Variants in SYN1 observed in about 807,000 individuals in gnomAD.
SYN1 encodes the protein synapsin-1.
SYN1 carries 8 observed loss-of-function variants against 44.6 expected under a neutral mutation model. That is an observed-to-expected ratio of 0.18 (90% CI 0.11 to 0.32). The LOEUF is 0.32. Among genes scored for constraint, SYN1 ranks in the 10% least tolerant of loss-of-function variants. The pLI is 1.00. For synonymous variants in SYN1, 275 were observed against 280.1 expected (o/e 0.98, Z 0.18); for missense variants, 451 against 639.4 (o/e 0.71, Z 3.18).
Position 47,574,340 on chromosome X carries a change from C to A in SYN1, c.1644G>T (p.Pro548=). ...GGPGAPPAAR[P]PASPSPQRQA... is the part of the protein sequence containing the mutation. ...GGCGCTGGGGAGACGGAGAGGCGGG[C>A]GGGCGGGCTGCTGGAGGCGCCCCGG... The change falls in exon 12 of 13, where the codon CCG becomes CCT. Residue 548 remains proline, a synonymous_variant. Coordinates refer to ENST00000295987, the MANE Select transcript of SYN1 (RefSeq NM_006950.3). 1 of 1,045,152 alleles carries A rather than the reference C, an allele frequency of 9.6e-7. No homozygotes were observed. Among genetic ancestry groups the A allele is most frequent in the Non-Finnish European group, 1.2e-6 (1 of 820,120 alleles). The allele number at this position is 1,045,152 out of a possible 1,213,427, so 86.1% of individuals were successfully genotyped here. A position where few individuals can be genotyped will look rare whatever the true frequency, so the allele number is the denominator to read the frequency against.
intron 5 of SYN1, chrX:47,585,063 C>T (rs2147918587): frequency 1.7e-6 from 2 of 1,192,381 alleles, no homozygotes; most frequent in East Asian, 3.0e-5. Flanking sequence ...ACATCTTCCT[C>T]CTGGTCAAAA....
At chrX:47,611,117 T>C (rs2057915440) in intron 1 of SYN1, among the ~76,000 whole-genome samples, 1 of 111,598 alleles carries the variant, frequency 9.0e-6, no homozygotes, top group African/African-American at 3.3e-5. Context: ...AACCCCTACA[T>C]GGGCTCCTCA....
At chrX:47,616,385 A>C (rs2057931502) in intron 1 of SYN1, among the ~76,000 whole-genome samples, 1 of 111,969 alleles carries the variant, frequency 8.9e-6, no homozygotes, top group African/African-American at 3.2e-5. Flanking sequence ...GAAAAAATGG[A>C]AAACATTGAA....
chrX:47,582,084 G>A (rs1028471626), intron 5 of SYN1, among the ~76,000 whole-genome samples: 1 of 112,765 alleles, frequency 8.9e-6, no homozygotes, highest in South Asian at 3.6e-4. Flanking sequence ...TTGGGTTTGA[G>A]TCATAGGGAG....
At chrX:47,584,287 A>T (rs1034245884) in intron 5 of SYN1, among the ~76,000 whole-genome samples, 1 of 111,249 alleles carries the variant, frequency 9.0e-6, no homozygotes, top group African/African-American at 3.3e-5. Context: ...ATTGAGGATG[A>T]TCAGGTATTG....
chrX:47,594,250 G>A, intron 5 of SYN1, among the ~76,000 whole-genome samples: 1 of 103,675 alleles, frequency 9.6e-6, no homozygotes. Context: ...AAAAAAAAAA[G>A]GCTGGGTGCA....
At chrX:47,581,103 C>T (rs529228828) in intron 5 of SYN1, among the ~76,000 whole-genome samples, 1 of 111,323 alleles carries the variant, frequency 9.0e-6, no homozygotes, top group African/African-American at 3.3e-5. Flanking sequence ...GTGCTGGATA[C>T]GCAGTAAGCA....
At chrX:47,599,314 A>G (rs1216186412) in intron 5 of SYN1, among the ~76,000 whole-genome samples, 1 of 112,453 alleles carries the variant, frequency 8.9e-6, no homozygotes, top group Admixed American at 9.4e-5. Context: ...ACTAGATTTT[A>G]TATAAACATG....
chrX:47,617,393 A>G (rs1313262202), intron 1 of SYN1, among the ~76,000 whole-genome samples: 1 of 111,800 alleles, frequency 8.9e-6, no homozygotes, highest in East Asian at 2.8e-4. Context: ...ACTATTAAGT[A>G]AATAGTAAAT....
intron 1 of SYN1, among the ~76,000 whole-genome samples, chrX:47,617,203 G>A: frequency 9.0e-6 from 1 of 111,104 alleles, no homozygotes; most frequent in Non-Finnish European, 1.9e-5. Flanking sequence ...CTCGGTAAAG[G>A]CTCCTGGGGG....
At chrX:47,589,795 G>A (rs1283560573) in intron 5 of SYN1, among the ~76,000 whole-genome samples, 2 of 111,271 alleles carry the variant, frequency 1.8e-5, no homozygotes, top group Non-Finnish European at 3.8e-5. Flanking sequence ...GGTTGTATAT[G>A]TGAAGTACTT....
At chrX:47,575,574 G>T (rs1337180686) in intron 9 of SYN1, among the ~76,000 whole-genome samples, 1 of 112,428 alleles carries the variant, frequency 8.9e-6, no homozygotes, top group Non-Finnish European at 1.9e-5. Flanking sequence ...AAAATCGAAA[G>T]ATTTTATAAC....
Position 47,619,641 on chromosome X carries a change from G to C in SYN1, c.88C>G (p.Pro30Ala), listed in dbSNP as rs2147933540. Residue 30 changes from proline to alanine, a missense_variant, in exon 1 of 13, where the codon CCG (proline) becomes GCG (alanine). Pro to Ala is a conservative substitution (Grantham distance 27, BLOSUM62 -1). Around this residue, in one of 3 missense-constraint regions of SYN1, gnomAD observed 315 missense variants for 451.4 expected, o/e 0.70. Transcript: ENST00000295987. Reference protein sequence around the residue: ...GYMTDLQRPQPPPPPPGAHSP... With the variant: ...GYMTDLQRPQAPPPPPGAHSP... ...TGGGCACCGGGCGGCGGTGGGGGCG[G>C]CTGCGGACGCTGCAGGTCTGTCATG... The C allele has an allele frequency of 2.4e-5, 28 of 1,160,390 alleles. No homozygotes were observed. The highest frequency in any genetic ancestry group is 3.1e-5 in the Non-Finnish European group (27 of 869,143).
In SYN1 at chrX:47,579,608, A is replaced by G. The variant is rs749046483; in HGVS notation, c.775-2107T>C. 3.6e-5 allele frequency among the ~76,000 whole-genome samples: 4 copies of G among 109,844 alleles called. No homozygotes were observed. The East Asian group carries it at 8.6e-4, about 24-fold the overall frequency. ...ACTCTCCATTTCAAAACTGCACAAT[A>G]ACCGGATCCACACGACTCCTCATGT... On this transcript the variant is annotated intron_variant, in intron 5 of 12. Transcript: ENST00000295987.
At chrX:47,605,599 C>T (rs1371693641) in intron 3 of SYN1, among the ~76,000 whole-genome samples, 1 of 111,803 alleles carries the variant, frequency 8.9e-6, no homozygotes, top group Non-Finnish European at 1.9e-5. Flanking sequence ...GTTCCCTTCT[C>T]AGCAAGGTCA....
intron 5 of SYN1, among the ~76,000 whole-genome samples, chrX:47,601,234 G>A (rs981083294): frequency 3.6e-5 from 4 of 111,523 alleles, no homozygotes; most frequent in Admixed American, 1.9e-4. Context: ...TTATAAGAGA[G>A]TATAAGAGAG....
At position 47,574,216 on chromosome X, in the gene SYN1, G is replaced by A; in HGVS notation, c.1768C>T (p.Pro590Ser). ...APPGGQQRQG[P>S]PQKPPGPAGP... The stretch of plus-strand genomic sequence containing the variant: ...GCTGGGCCTGGGGGTTTCTGGGGCG[G>A]GCCCTGGCGCTGCTGCCCGCCCGGT... Residue 590 changes from proline (P) to serine (S), a missense_variant, in exon 12 of 13, where the codon CCG becomes TCG. Physicochemically the swap from Pro to Ser is moderately conservative, Grantham distance 74. This residue lies in a region of SYN1 where 127 missense variants were observed against 154.8 expected (regional missense o/e 0.82). Coordinates refer to ENST00000295987, the MANE Select transcript of SYN1 (RefSeq NM_006950.3). The A allele has an allele frequency of 1.8e-6, 2 of 1,081,909 alleles. No homozygotes were observed. The highest frequency in any genetic ancestry group is 2.4e-6 in the Non-Finnish European group (2 of 838,719). The allele number at this position is 1,081,909 out of a possible 1,213,427, so 89.2% of individuals were successfully genotyped here.
At chrX:47,619,031 G>A (rs1308318601) in intron 1 of SYN1, among the ~76,000 whole-genome samples, 2 of 110,905 alleles carry the variant, frequency 1.8e-5, no homozygotes, top group African/African-American at 3.3e-5. Flanking sequence ...GCAAGGGTTG[G>A]GGAGGGTAGG....
Position 47,577,544 on chromosome X carries a change from G to A in SYN1, c.775-43C>T, listed in dbSNP as rs778661813. 9.2e-5 allele frequency: 106 copies of A among 1,151,624 alleles called. 1 individual carries two copies. In the South Asian group the frequency reaches 1.9e-3, roughly 21 times the overall value. 94.9% of individuals were successfully genotyped at this position (1,151,624 alleles called of 1,213,427 possible). The stretch of plus-strand genomic sequence containing the variant: ...GAGGAGACATGCTCAGGGCAGAAAG[G>A]GTGACCTCCAGGGGTGGGGCGGCAC... On this transcript the variant is annotated intron_variant, in intron 5 of 12. Transcript: ENST00000295987.
Sources: allele counts gnomAD v4.1 joint callset (sites outside exome capture counted in the v4.1 genomes callset), GRCh38; gene constraint gnomAD v4.1.1; regional missense constraint gnomAD v4.1.1; transcripts MANE v1.5; gene names NCBI Gene and HGNC (gene_info 2026-07-23, HGNC 2026-07-21).